The following PLIN3 variants were observed in gnomAD, a reference collection of about 807,000 sequenced individuals.
PLIN3 encodes the protein perilipin-3.
A neutral mutation model predicts 35.9 loss-of-function variants in PLIN3; 30 were observed. The ratio of observed to expected loss-of-function variants is 0.84; its 90% CI spans 0.62 to 1.13. The LOEUF (loss-of-function observed/expected upper bound fraction) is 1.13, where lower values mean the gene tolerates loss of function less well. PLIN3 is among the 50% of genes most tolerant of loss of function. The pLI is 0.00. For synonymous variants in PLIN3, 261 were observed against 262.5 expected (o/e 0.99, Z 0.06); for missense variants, 603 against 596.9 (o/e 1.01, Z -0.11).
intron 4 of PLIN3, among the ~76,000 whole-genome samples, chr19:4,854,488 C>T (rs1316348324): frequency 6.6e-6 from 1 of 152,028 alleles, no homozygotes; most frequent in African/African-American, 2.4e-5. Flanking sequence ...ACCGCAACCT[C>T]CACCTCCCAG....
rs1004757574 is a variant in PLIN3 at position 4,838,743 on chromosome 19, AT to A, written c.*448del. 3.3e-5 allele frequency: 5 copies of A among 149,798 alleles called. No individual in the cohort carries two copies. The highest frequency in any genetic ancestry group is 5.9e-5 in the Non-Finnish European group (4 of 67,602). 9.3% of individuals were successfully genotyped at this position (149,798 alleles called of 1,614,324 possible). A position where few individuals can be genotyped will look rare whatever the true frequency, so the allele number is the denominator to read the frequency against. The stretch of plus-strand genomic sequence containing the variant: ...AGACACCTGCTACCATGCCCGGCTC[AT>A]TTTTTTTTGTATTTTTAGTAGAGAC... On this transcript the variant is annotated 3_prime_UTR_variant, in exon 8 of 8. Coordinates refer to ENST00000221957, the MANE Select transcript of PLIN3 (RefSeq NM_005817.5).
chr19:4,867,267 G>A (rs2030889759), intron 1 of PLIN3, among the ~76,000 whole-genome samples: 1 of 152,230 alleles, frequency 6.6e-6, no homozygotes, highest in Admixed American at 6.5e-5. Context: ...GCCTGCAAAT[G>A]GCGTTTCCAA....
chr19:4,850,620 G>T (rs2030258807), intron 5 of PLIN3, among the ~76,000 whole-genome samples: 1 of 130,104 alleles, frequency 7.7e-6, no homozygotes, highest in Admixed American at 8.1e-5. Context: ...TTTTTTAGTA[G>T]AGATGGGGTT....
rs552829290 is a variant in PLIN3, at chr19:4,843,752, C to T, written c.960+916G>A. ...TTGGGAGGCTGAGGCGAGAGGATTG[C>T]CTGAGCCTGCAATGGCGAGGCCACA... On this transcript the variant is annotated intron_variant, in intron 7 of 7. Coordinates refer to ENST00000221957, the MANE Select transcript of PLIN3 (RefSeq NM_005817.5). Among the ~76,000 whole-genome samples, 6 of 152,132 alleles carry T rather than the reference C, an allele frequency of 3.9e-5. No homozygotes were observed. The East Asian group carries it at 7.7e-4, about 20-fold the overall frequency.
At chr19:4,861,479 C>G in intron 1 of PLIN3, 68 bp from the exon 2 acceptor site, 1 of 1,112,896 alleles carries the variant, frequency 9.0e-7, no homozygotes. Flanking sequence ...TCCAGGCCCA[C>G]GCTGCAGCTG....
At chr19:4,859,802 A>G (rs1007398252) in intron 3 of PLIN3, 24 bp downstream of exon 3, 1 of 1,611,416 alleles carries the variant, frequency 6.2e-7, no homozygotes, top group Non-Finnish European at 8.5e-7. Flanking sequence ...AGGGGAATTC[A>G]GTGCCCCCTG....
chr19:4,852,083 G>A lies in PLIN3; in HGVS notation c.567C>T (p.Val189=), dbSNP rs774125815. 26 of 1,613,778 alleles carry A rather than the reference G, an allele frequency of 1.6e-5. No homozygotes were observed. The highest frequency in any genetic ancestry group is 7.7e-5 in the South Asian group (7 of 91,084). The change falls in exon 5 of 8, where the codon GTC becomes GTT. Residue 189 remains valine, a synonymous_variant. Transcript: ENST00000221957. ...SRLGQMVLSG[V]DTVLGKSEEW... ...CCTCCGACTTCCCCAGCACCGTGTC[G>A]ACCCCACTCAACACCATCTGGCCCA...
Position 4,839,329 on chromosome 19 carries a change from T to G in PLIN3, c.1168A>C (p.Ser390Arg). ...QDLSSSILAQ[S>R]RERVASAREA... ...CGGGCGCTGGCGACACGCTCACGGCTCTGGGCCAGAATGCTGCTGGACAGG... is the reference window on the plus strand; with the variant it reads ...CGGGCGCTGGCGACACGCTCACGGCGCTGGGCCAGAATGCTGCTGGACAGG... The change falls in exon 8 of 8, where the codon AGC (serine) becomes CGC (arginine). Residue 390 changes from serine (S) to arginine (R), a missense_variant. Coordinates refer to ENST00000221957, the MANE Select transcript of PLIN3 (RefSeq NM_005817.5). 6.2e-7 allele frequency: 1 copy of G among 1,613,988 alleles called. No homozygotes were observed. The highest frequency in any genetic ancestry group is 8.5e-7 in the Non-Finnish European group (1 of 1,179,940).
chr19:4,848,877 G>C (rs1180057995), intron 5 of PLIN3, among the ~76,000 whole-genome samples: 1 of 152,050 alleles, frequency 6.6e-6, no homozygotes, highest in Non-Finnish European at 1.5e-5. Context: ...AAAAAAAAGA[G>C]AATAATGACA....
chr19:4,844,569 G>T, intron 7 of PLIN3, 99 bp downstream of exon 7: 1 of 1,290,426 alleles, frequency 7.7e-7, no homozygotes, highest in Non-Finnish European at 1.0e-6. Flanking sequence ...TGAGGCTAGG[G>T]AAATCATTCG....
At chr19:4,846,722 C>T (rs12985820) in intron 6 of PLIN3, among the ~76,000 whole-genome samples, 92,461 of 151,732 alleles carry the variant, frequency 0.61, 28,416 homozygotes, top group South Asian at 0.65. Context: ...GATTAGGACA[C>T]AGACATACAC....
chr19:4,843,787 G>A (rs1171452700), intron 7 of PLIN3, among the ~76,000 whole-genome samples: 1 of 152,100 alleles, frequency 6.6e-6, no homozygotes, highest in Non-Finnish European at 1.5e-5. Flanking sequence ...AGTGACCTGT[G>A]ATGGCATCAC....
chr19:4,865,966 G>T (rs1211691675), intron 1 of PLIN3, among the ~76,000 whole-genome samples: 1 of 149,800 alleles, frequency 6.7e-6, no homozygotes, highest in Non-Finnish European at 1.5e-5. Flanking sequence ...CTCATGATCC[G>T]CCCGCCTCGG....
chr19:4,860,800 G>A (rs1754609474), intron 2 of PLIN3, among the ~76,000 whole-genome samples: 1 of 151,978 alleles, frequency 6.6e-6, no homozygotes. Flanking sequence ...GTGAAACTCC[G>A]TCTCTACTAA....
intron 4 of PLIN3, among the ~76,000 whole-genome samples, chr19:4,856,247 G>T (rs370524929): frequency 6.6e-6 from 1 of 152,044 alleles, no homozygotes; most frequent in Non-Finnish European, 1.5e-5. Flanking sequence ...AGCGGACATG[G>T]AGCACCTGAA....
chr19:4,844,585 G>A, intron 7 of PLIN3, 83 bp downstream of exon 7: 1 of 1,385,288 alleles, frequency 7.2e-7, no homozygotes, highest in Non-Finnish European at 9.6e-7. Flanking sequence ...ATTCGAAGCA[G>A]GTAGGCCCAT....
rs773736768 is a variant in PLIN3 at position 4,847,820 on chromosome 19, G to T, written c.705C>A (p.Tyr235Ter). 8 of 1,613,848 alleles carry T rather than the reference G, an allele frequency of 5.0e-6. No homozygotes were observed. Among genetic ancestry groups the T allele is most frequent in the Non-Finnish European group, 4.2e-6 (5 of 1,179,988 alleles). ...SVQQQRQEQS[Y>*]FVRLGSLSER... ...CCGACAGGGAGCCCAGACGTACGAAGTAGCTCTGTTCCTGCCGCTGCTGCT... is the reference window on the plus strand; with the variant it reads ...CCGACAGGGAGCCCAGACGTACGAATTAGCTCTGTTCCTGCCGCTGCTGCT... Residue 235 changes from tyrosine (Y) to a stop codon, truncating the protein, a stop_gained, in exon 6 of 8, where the codon TAC becomes TAA. Coordinates refer to ENST00000221957, the MANE Select transcript of PLIN3 (RefSeq NM_005817.5). LOFTEE classifies it high-confidence loss of function.
intron 7 of PLIN3, among the ~76,000 whole-genome samples, chr19:4,841,923 A>T (rs1432370378): frequency 3.6e-5 from 3 of 84,266 alleles, no homozygotes; most frequent in African/African-American, 1.4e-4. Context: ...AAAAAAAAAA[A>T]AAAGAAAAAA....
At chr19:4,841,921 A>G (rs1021311500) in intron 7 of PLIN3, among the ~76,000 whole-genome samples, 17 of 83,790 alleles carry the variant, frequency 2.0e-4, no homozygotes, top group South Asian at 5.3e-4. Flanking sequence ...AAAAAAAAAA[A>G]AAAAAGAAAA....
Sources: gnomAD v4.1 joint callset for allele counts (sites outside exome capture counted in the v4.1 genomes callset) on GRCh38, gnomAD v4.1.1 for gene constraint, MANE v1.5 for transcripts, NCBI Gene and HGNC (gene_info 2026-07-23, HGNC 2026-07-21) for gene names.